The following TENM1 variants were observed in gnomAD, a reference collection of about 807,000 sequenced individuals.
TENM1 encodes teneurin transmembrane protein 1.
A neutral mutation model predicts 174.8 loss-of-function variants in TENM1; 35 were observed. The ratio of observed to expected loss-of-function variants is 0.20; its 90% CI spans 0.15 to 0.27. The LOEUF is 0.27. Among genes scored for constraint, TENM1 ranks in the 10% least tolerant of loss-of-function variants. The pLI is 1.00. For synonymous variants in TENM1, 781 were observed against 798.7 expected, an observed-to-expected ratio of 0.98 and a Z score of 0.37; for missense variants, 1,633 against 2,130.1, an observed-to-expected ratio of 0.77 and a Z score of 4.59.
At chrX:124,710,572 A>G (rs1488920548) in intron 4 of TENM1, among the ~76,000 whole-genome samples, 1 of 112,073 alleles carries the variant, frequency 8.9e-6, no homozygotes, top group African/African-American at 3.2e-5. Context: ...TTTCATCCTG[A>G]TGTACACCAA....
At chrX:124,607,462 A>T (rs187304276) in intron 11 of TENM1, among the ~76,000 whole-genome samples, 2 of 111,384 alleles carry the variant, frequency 1.8e-5, no homozygotes, top group African/African-American at 6.5e-5. Flanking sequence ...GGCAGAAAGA[A>T]TACCAAGAAG....
chrX:124,781,174 T>C (rs1452574917), intron 3 of TENM1, among the ~76,000 whole-genome samples: 2 of 112,050 alleles, frequency 1.8e-5, no homozygotes, highest in Non-Finnish European at 3.8e-5. Context: ...ACTAATATTT[T>C]ATTCAACAAA....
At chrX:125,182,179 C>T in the TENM1 span, among the ~76,000 whole-genome samples, 1 of 109,670 alleles carries the variant, frequency 9.1e-6, no homozygotes, top group Non-Finnish European at 1.9e-5. Context: ...GCTCATGGCC[C>T]CTTCCTCCAT....
At chrX:124,450,330 C>T (rs750941211) in intron 23 of TENM1, among the ~76,000 whole-genome samples, 123 of 101,590 alleles carry the variant, frequency 1.2e-3, no homozygotes, top group South Asian at 3.0e-3. Flanking sequence ...ACTGCACTCC[C>T]GCCTGGGCCA....
chrX:125,107,125 T>C, the TENM1 span, among the ~76,000 whole-genome samples: 2 of 112,276 alleles, frequency 1.8e-5, no homozygotes, highest in African/African-American at 3.2e-5. Flanking sequence ...TTGGATATAC[T>C]AATTCAGAGT....
At chrX:124,812,949 T>C (rs1318677613) in intron 3 of TENM1, among the ~76,000 whole-genome samples, 1 of 110,866 alleles carries the variant, frequency 9.0e-6, no homozygotes, top group Non-Finnish European at 1.9e-5. Context: ...GGGGCATTTT[T>C]AAATTACATG....
chrX:125,036,956 A>G, the TENM1 span, among the ~76,000 whole-genome samples: 1 of 111,895 alleles, frequency 8.9e-6, no homozygotes, highest in East Asian at 2.8e-4. Flanking sequence ...TAGTCCAATG[A>G]GCAACACATA....
At chrX:124,463,635 T>A (rs955895936) in intron 22 of TENM1, among the ~76,000 whole-genome samples, 1 of 111,143 alleles carries the variant, frequency 9.0e-6, no homozygotes, top group South Asian at 3.9e-4. Flanking sequence ...ACTACACTAT[T>A]AAATTATTGG....
chrX:125,139,194 A>G, the TENM1 span, among the ~76,000 whole-genome samples: 2 of 111,891 alleles, frequency 1.8e-5, no homozygotes, highest in Admixed American at 9.5e-5. Flanking sequence ...CAAAATGATT[A>G]AATAAAATAA....
the TENM1 span, among the ~76,000 whole-genome samples, chrX:125,128,547 G>A: frequency 1.8e-5 from 2 of 111,261 alleles, no homozygotes; most frequent in Non-Finnish European, 3.8e-5. Flanking sequence ...AATGAAAAAC[G>A]GTCACGTGGC....
intron 3 of TENM1, among the ~76,000 whole-genome samples, chrX:124,892,146 G>A (rs1307926807): frequency 2.7e-5 from 3 of 111,882 alleles, no homozygotes; most frequent in African/African-American, 9.7e-5. Context: ...ACAGGTCCCA[G>A]AATGAAGCTA....
chrX:124,713,355 G>A (rs188994555), intron 4 of TENM1, among the ~76,000 whole-genome samples: 122 of 109,461 alleles, frequency 1.1e-3, no homozygotes, highest in African/African-American at 4.0e-3. Context: ...TGCAACCTCC[G>A]CCTCCTGGGT....
the TENM1 span, among the ~76,000 whole-genome samples, chrX:125,125,525 C>A: frequency 9.0e-6 from 1 of 111,671 alleles, no homozygotes; most frequent in South Asian, 3.8e-4. Flanking sequence ...AGATCCAATA[C>A]GACAGTTTGA....
chrX:124,961,693 A>T (rs1569490034), intron 1 of TENM1, among the ~76,000 whole-genome samples: 1 of 111,619 alleles, frequency 9.0e-6, no homozygotes, highest in Non-Finnish European at 1.9e-5. Flanking sequence ...GAGGAAGATC[A>T]CCTACACAGT....
chrX:125,172,367 T>C, the TENM1 span, among the ~76,000 whole-genome samples: 4 of 109,880 alleles, frequency 3.6e-5, no homozygotes, highest in Admixed American at 9.7e-5. Context: ...CATAGAGCAA[T>C]TGACTTGCCC....
the TENM1 span, among the ~76,000 whole-genome samples, chrX:125,131,055 C>T: frequency 4.4e-4 from 49 of 111,963 alleles, no homozygotes; most frequent in African/African-American, 1.3e-3. Flanking sequence ...TTTCAAACAG[C>T]AAAACACATA....
At chrX:124,548,577 G>C (rs2048485725) in intron 14 of TENM1, among the ~76,000 whole-genome samples, 1 of 111,871 alleles carries the variant, frequency 8.9e-6, no homozygotes, top group African/African-American at 3.3e-5. Context: ...TTCTTCCCAG[G>C]TCCTTAAAGA....
At chrX:125,005,205 C>T in the TENM1 span, among the ~76,000 whole-genome samples, 1 of 105,875 alleles carries the variant, frequency 9.4e-6, no homozygotes. Context: ...CACACACACA[C>T]ACACACACAC....
intron 10 of TENM1, among the ~76,000 whole-genome samples, chrX:124,643,446 C>T (rs1602885565): frequency 9.0e-6 from 1 of 111,425 alleles, no homozygotes; most frequent in East Asian, 2.8e-4. Flanking sequence ...CTACTTGGCT[C>T]CAGTTGATTG....
Sources: allele counts gnomAD v4.1 joint callset (sites outside exome capture counted in the v4.1 genomes callset), GRCh38; gene constraint gnomAD v4.1.1; transcripts MANE v1.5; gene names NCBI Gene and HGNC (gene_info 2026-07-23, HGNC 2026-07-21).